Variants in KIF3C observed in about 807,000 individuals in gnomAD.
The protein encoded by KIF3C is kinesin family member 3C.
In KIF3C, 12 loss-of-function variants were observed where a neutral mutation model predicts 67.7. The observed-to-expected ratio is 0.18, with a 90% confidence interval of 0.11 to 0.29. KIF3C has a LOEUF of 0.29. Among genes scored for constraint, KIF3C ranks in the 10% least tolerant of loss-of-function variants. The probability of loss-of-function intolerance (pLI) is 1.00; values close to 1 mark genes in which losing one functional copy is unlikely to be tolerated. For synonymous variants in KIF3C, 393 were observed against 426.2 expected (o/e 0.92, Z 0.96); for missense variants, 789 against 1,059.6 (o/e 0.74, Z 3.55).
chr2:25,975,065 C>G (rs1326659253), intron 1 of KIF3C, among the ~76,000 whole-genome samples: 1 of 150,380 alleles, frequency 6.6e-6, no homozygotes, highest in African/African-American at 2.5e-5. Context: ...CATTTCCAGT[C>G]TCGGGCTTCT....
chr2:25,929,601 C>A (rs978756947), intron 6 of KIF3C, 124 bp from the exon 7 acceptor site: 7 of 735,764 alleles, frequency 9.5e-6, no homozygotes, highest in African/African-American at 3.5e-5. Context: ...CTGTGAGCAT[C>A]CCCTCCCATA....
chr2:25,944,347 C>CT (rs34983264), intron 5 of KIF3C, among the ~76,000 whole-genome samples: 1,427 of 133,952 alleles, frequency 0.011, 20 homozygotes, highest in Middle Eastern at 0.045. Flanking sequence ...TCATAATTGC[C>CT]TTTTTTTTTT....
At chr2:25,937,689 C>T (rs765041584) in intron 5 of KIF3C, among the ~76,000 whole-genome samples, 9 of 152,138 alleles carry the variant, frequency 5.9e-5, no homozygotes, top group Non-Finnish European at 1.3e-4. Flanking sequence ...AGGTGCAGCG[C>T]CTTTTGTGTC....
chr2:25,968,879 A>G (rs1664208898), intron 1 of KIF3C, among the ~76,000 whole-genome samples: 1 of 150,954 alleles, frequency 6.6e-6, no homozygotes, highest in African/African-American at 2.4e-5. Context: ...GCTGGAGTGC[A>G]GTGGCGTGAT....
At position 25,955,386 on chromosome 2, in the gene KIF3C, G is replaced by A. The variant is rs1158246685; in HGVS notation, c.1770+155C>T. Among the ~76,000 whole-genome samples, 1 of 151,856 alleles carries A rather than the reference G, an allele frequency of 6.6e-6. No individual in the cohort carries two copies. Among genetic ancestry groups the A allele is most frequent in the Non-Finnish European group, 1.5e-5 (1 of 67,964 alleles). On this transcript the variant is annotated intron_variant, in intron 3 of 7. Coordinates refer to ENST00000264712, the MANE Select transcript of KIF3C (RefSeq NM_002254.8). The surrounding 1 kb of genome is among the most constrained non-coding windows in gnomAD (Gnocchi z 5.0). ...ACTCCACCCCCAGCCCCCGCCTCCT[G>A]CCTCCCCCTGTTGCTCACCCCCGAG...
At chr2:25,931,849 G>A (rs2090461657) in intron 5 of KIF3C, among the ~76,000 whole-genome samples, 1 of 150,748 alleles carries the variant, frequency 6.6e-6, no homozygotes, top group African/African-American at 2.4e-5. Context: ...ATGTTGGCTG[G>A]TCTCGAACTC....
At chr2:25,931,220 G>T (rs2090456204) in intron 5 of KIF3C, among the ~76,000 whole-genome samples, 1 of 152,054 alleles carries the variant, frequency 6.6e-6, no homozygotes, top group African/African-American at 2.4e-5. Flanking sequence ...ACTTTGGGAG[G>T]CCGAGACGGG....
intron 5 of KIF3C, among the ~76,000 whole-genome samples, chr2:25,945,416 C>G (rs991469019): frequency 1.3e-5 from 2 of 151,032 alleles, no homozygotes; most frequent in Non-Finnish European, 3.0e-5. Context: ...AAGGATAAAA[C>G]TAAGGCCAGG....
At chr2:25,935,053 A>G (rs1257499312) in intron 5 of KIF3C, among the ~76,000 whole-genome samples, 5 of 152,026 alleles carry the variant, frequency 3.3e-5, no homozygotes, top group Admixed American at 6.6e-5. Flanking sequence ...AGACCAGCCT[A>G]GCCAACATGG....
In KIF3C at chr2:25,954,275, G is replaced by T; in HGVS notation, c.1881C>A (p.Leu627=). The change falls in exon 4 of 8, where the codon CTC becomes CTA. Residue 627 remains leucine (L), a synonymous_variant. Transcript: ENST00000264712. ...AGAGCTGCGGGCCCTACTTGAGCTT[G>T]AGTTCGCGGGTCTGCTCGTTCTGCG... ...EEAQNEQTRE[L]KLKYLIIENF... 6.2e-7 allele frequency: 1 copy of T among 1,613,470 alleles called. No individual in the cohort carries two copies. The highest frequency in any genetic ancestry group is 1.1e-5 in the South Asian group (1 of 91,080).
At chr2:25,941,631 G>A (rs537121782) in intron 5 of KIF3C, among the ~76,000 whole-genome samples, 37 of 152,110 alleles carry the variant, frequency 2.4e-4, no homozygotes, top group African/African-American at 8.2e-4. Context: ...GGTGGCTCAC[G>A]CCTGTAATCT....
At position 25,956,389 on chromosome 2, in the gene KIF3C, T is replaced by C; in HGVS notation, c.1601A>G (p.Glu534Gly). The C allele has an allele frequency of 6.2e-7, 1 of 1,614,170 alleles. No homozygotes were observed. Residue 534 changes from glutamate (E) to glycine (G), a missense_variant, in exon 2 of 8, where the codon GAA becomes GGA. By Grantham distance (98) the Glu-to-Gly change is moderately conservative (BLOSUM62 -2). Transcript: ENST00000264712. The stretch of plus-strand genomic sequence containing the variant: ...CTTCAGTTCCAACATCTTCTGCTGT[T>C]CGTTGGTGTGATCCATGATGTTCCT... The part of the protein sequence containing the change: ...GGRNIMDHTN[E>G]QQKMLELKRQ...
Position 25,980,287 on chromosome 2 carries a change from C to T in KIF3C, c.1545+86G>A. 1 of 1,119,278 alleles carries T rather than the reference C, an allele frequency of 8.9e-7. No homozygotes were observed. The highest frequency in any genetic ancestry group is 2.4e-5 in the East Asian group (1 of 41,276). 69.3% of individuals were successfully genotyped at this position (1,119,278 alleles called of 1,614,324 possible). A position where few individuals can be genotyped will look rare whatever the true frequency, so the allele number is the denominator to read the frequency against. On this transcript the variant is annotated intron_variant, in intron 1 of 7. Transcript: ENST00000264712. This position sits in a 1 kb window ranked among gnomAD's most constrained non-coding sequence, Gnocchi z 7.6. Reference sequence around the variant, plus strand: ...CTGAGGGAGAACCTCCACTTCAGGCCAGGTCACAGACTCTCAAAGAAGAGC... The same window carrying T: ...CTGAGGGAGAACCTCCACTTCAGGCTAGGTCACAGACTCTCAAAGAAGAGC...
chr2:25,957,336 G>A (rs1276901229), intron 1 of KIF3C, among the ~76,000 whole-genome samples: 2 of 152,190 alleles, frequency 1.3e-5, no homozygotes, highest in Admixed American at 6.5e-5. Context: ...CAGTGCTTTG[G>A]AATCTGAAGC....
intron 1 of KIF3C, among the ~76,000 whole-genome samples, chr2:25,962,880 A>T (rs1276482999): frequency 1.6e-5 from 1 of 62,250 alleles, no homozygotes; most frequent in Admixed American, 2.9e-4. Flanking sequence ...TAATATATAA[A>T]ATATATATAA....
chr2:25,929,535 G>A lies in KIF3C; in HGVS notation c.2116-58C>T. The A allele has an allele frequency of 2.7e-6, 4 of 1,494,406 alleles. No individual in the cohort carries two copies. The Admixed American group carries it at 6.8e-5, about 25-fold the overall frequency. The allele number at this position is 1,494,406 out of a possible 1,614,324, so 92.6% of individuals were successfully genotyped here. ...GTGCCCAGTCACTGTGCCTTCTAGG[G>A]ACTCAGCCAGTCTTGGGTGTAGCAG... On this transcript the variant is annotated intron_variant, in intron 6 of 7. Coordinates refer to ENST00000264712, the MANE Select transcript of KIF3C (RefSeq NM_002254.8).
chr2:25,929,074 G>A lies in KIF3C; in HGVS notation c.2289-3C>T, dbSNP rs753728015. On this transcript the variant is annotated splice_polypyrimidine_tract_variant and splice_region_variant and intron_variant, in intron 7 of 7. Transcript: ENST00000264712. ...GAGGCCGCTGAGGACTCTGGCACCT[G>A]CAGGGGAGATGACGCAGGCGAAAGG... 1.2e-5 allele frequency: 20 copies of A among 1,612,718 alleles called. No homozygotes were observed. In the East Asian group the frequency reaches 4.0e-4, roughly 32 times the overall value.
chr2:25,936,093 A>AC (rs1663117937), intron 5 of KIF3C, among the ~76,000 whole-genome samples: 12 of 152,062 alleles, frequency 7.9e-5, no homozygotes, highest in South Asian at 2.1e-4. Flanking sequence ...TCTCAAAAAA[A>AC]AAAAACAAAA....
At chr2:25,970,616 G>T (rs1470782680) in intron 1 of KIF3C, among the ~76,000 whole-genome samples, 1 of 142,676 alleles carries the variant, frequency 7.0e-6, no homozygotes, top group East Asian at 2.1e-4. Context: ...GCAGTGAGCC[G>T]AGGTCACGCC....
Sources: gnomAD v4.1 joint callset for allele counts (sites outside exome capture counted in the v4.1 genomes callset) on GRCh38, gnomAD v4.1.1 for gene constraint, Gnocchi (gnomAD v3.1) non-coding constraint, MANE v1.5 for transcripts, NCBI Gene and HGNC (gene_info 2026-07-23, HGNC 2026-07-21) for gene names.